Variants in ARMC6 observed in about 807,000 individuals in gnomAD.
ARMC6 encodes the protein armadillo repeat-containing protein 6.
In ARMC6, 43 loss-of-function variants were observed where a neutral mutation model predicts 49.2. The observed-to-expected ratio is 0.87, with a 90% CI of 0.69 to 1.13. The LOEUF is 1.13. Ranked by LOEUF, ARMC6 falls within the 50% of genes most tolerant of loss-of-function variation. The pLI, the probability that ARMC6 is intolerant of heterozygous loss-of-function variation, is 0.00. For synonymous variants in ARMC6, 262 were observed against 289.6 expected (o/e 0.90, Z 0.97); for missense variants, 627 against 682.0 (o/e 0.92, Z 0.90).
chr19:19,044,002 G>A lies in ARMC6; in HGVS notation c.207G>A (p.Leu69=). Residue 69 remains leucine, a synonymous_variant, in exon 4 of 9, where the codon CTG becomes CTA. Transcript: ENST00000535612. ...CCCCACCCCCAACAGGGGTTGATCT[G>A]AGCAACATTGTAAAGACGGCACCTA... is the stretch of plus-strand genomic sequence containing the variant. The part of the protein sequence containing the change: ...VEQFESQGVD[L]SNIVKTAPKV... 6.2e-7 allele frequency: 1 copy of A among 1,614,070 alleles called. No individual in the cohort carries two copies. Among genetic ancestry groups the A allele is most frequent in the Non-Finnish European group, 8.5e-7 (1 of 1,179,946 alleles).
Position 19,055,400 on chromosome 19 carries a change from C to T in ARMC6, c.1155+4C>T, listed in dbSNP as rs2145880706. 6.3e-7 allele frequency: 1 copy of T among 1,598,018 alleles called. No individual in the cohort carries two copies. Among genetic ancestry groups the T allele is most frequent in the East Asian group, 2.2e-5 (1 of 44,560 alleles). The stretch of plus-strand genomic sequence containing the variant: ...CCAGCATCTGACCAGCCCCCAGGTA[C>T]CCACCTCGGGGGGCACACACAGTAG... On this transcript the variant is annotated splice_donor_region_variant and intron_variant, in intron 7 of 8. Transcript: ENST00000535612. This position sits in a 1 kb window ranked among gnomAD's most constrained non-coding sequence, Gnocchi z 5.7.
intron 4 of ARMC6, among the ~76,000 whole-genome samples, chr19:19,047,607 G>A (rs192848195): frequency 6.6e-6 from 1 of 152,258 alleles, no homozygotes; most frequent in African/African-American, 2.4e-5. Flanking sequence ...GGTGGTGAGC[G>A]CCACAGAAAA....
chr19:19,057,754 G>C lies in ARMC6; in HGVS notation c.*126G>C. The C allele has an allele frequency of 9.5e-7, 1 of 1,055,322 alleles. No homozygotes were observed. 65.4% of individuals were successfully genotyped at this position (1,055,322 alleles called of 1,614,324 possible). ...CACAATGAGAAGTGTTTTCTGGCAG[G>C]CCCTAGGTAAAGGGTCGGGGGAGGG... On this transcript the variant is annotated 3_prime_UTR_variant, in exon 9 of 9. Transcript: ENST00000535612.
chr19:19,047,415 C>CT (rs1426309888), intron 4 of ARMC6, among the ~76,000 whole-genome samples: 3 of 152,076 alleles, frequency 2.0e-5, no homozygotes, highest in African/African-American at 7.2e-5. Context: ...CTGTTTGTGT[C>CT]ATAAGATTTG....
intron 2 of ARMC6, among the ~76,000 whole-genome samples, chr19:19,035,941 T>A (rs8106146): frequency 6.6e-5 from 10 of 152,046 alleles, no homozygotes; most frequent in Non-Finnish European, 5.9e-5. Flanking sequence ...AAATGATTGC[T>A]TTCTTTTGAG....
intron 2 of ARMC6, among the ~76,000 whole-genome samples, chr19:19,041,912 T>TA (rs1292311219): frequency 6.7e-6 from 1 of 149,948 alleles, no homozygotes; most frequent in Non-Finnish European, 1.5e-5. Flanking sequence ...TGTTAGAATC[T>TA]TTTTTTTTTC....
intron 4 of ARMC6, among the ~76,000 whole-genome samples, 171 bp from the exon 5 acceptor site, chr19:19,051,451 C>A (rs751007628): frequency 5.3e-5 from 8 of 150,324 alleles, no homozygotes; most frequent in Non-Finnish European, 1.2e-4. Flanking sequence ...AAGCTCAAAG[C>A]TCCTAGAATC....
At chr19:19,056,701 C>G (rs1272696251) in intron 8 of ARMC6, among the ~76,000 whole-genome samples, 1 of 152,184 alleles carries the variant, frequency 6.6e-6, no homozygotes, top group East Asian at 1.9e-4. Flanking sequence ...GTGGGACACC[C>G]TGTCCACACC....
chr19:19,042,697 CCCTAA>C lies in ARMC6; in HGVS notation c.30-10_30-6del. ...CACCCTTGAGGTAGCTCTCTCTTTG[CCCTAA>C]CCTCTCAGCTCAGGAGCATCTATCG... On this transcript the variant is annotated splice_polypyrimidine_tract_variant and intron_variant, in intron 2 of 8. Coordinates refer to ENST00000535612, the MANE Select transcript of ARMC6 (RefSeq NM_001199196.2). The C allele has an allele frequency of 6.2e-7, 1 of 1,611,096 alleles. No individual in the cohort carries two copies. The highest frequency in any genetic ancestry group is 8.5e-7 in the Non-Finnish European group (1 of 1,179,950).
chr19:19,034,556 GGAGTCTTTTA>G (rs2059326162), intron 2 of ARMC6, among the ~76,000 whole-genome samples: 2 of 152,138 alleles, frequency 1.3e-5, no homozygotes, highest in Admixed American at 6.5e-5. Context: ...ACATGTGGAT[GGAGTCTTTTA>G]GAGTCCCCAG....
intron 2 of ARMC6, chr19:19,037,566 C>A: frequency 2.1e-6 from 2 of 949,612 alleles, no homozygotes; most frequent in Non-Finnish European, 2.9e-6. Context: ...GGAGTTTCGC[C>A]ACGTGTCCAG....
chr19:19,041,247 G>A (rs897026361), intron 2 of ARMC6, among the ~76,000 whole-genome samples: 1 of 152,178 alleles, frequency 6.6e-6, no homozygotes, highest in Non-Finnish European at 1.5e-5. Context: ...TAGAAAATTA[G>A]ATCTTTGTTT....
intron 2 of ARMC6, among the ~76,000 whole-genome samples, chr19:19,036,747 A>G (rs747432000): frequency 6.6e-6 from 1 of 152,250 alleles, no homozygotes; most frequent in Non-Finnish European, 1.5e-5. Context: ...CCTCTTAAGC[A>G]ACAAAGGAAA....
intron 2 of ARMC6, chr19:19,039,277 C>A: frequency 2.5e-6 from 1 of 401,436 alleles, no homozygotes; most frequent in Non-Finnish European, 5.0e-6. Flanking sequence ...TTCAACCACA[C>A]GCAAATGCCA....
At chr19:19,056,144 T>C (rs2059542793) in intron 8 of ARMC6, among the ~76,000 whole-genome samples, 1 of 152,176 alleles carries the variant, frequency 6.6e-6, no homozygotes. Flanking sequence ...TTCATTTGCC[T>C]CCTTCTCTGC....
At chr19:19,043,024 C>A (rs374770902) in intron 3 of ARMC6, 147 bp downstream of exon 3, 1 of 998,156 alleles carries the variant, frequency 1.0e-6, no homozygotes, top group South Asian at 1.6e-5. Flanking sequence ...AGCTTCTGCC[C>A]GAGGCAGGCT....
At position 19,055,210 on chromosome 19, in the gene ARMC6, C is replaced by T. The variant is rs758824206; in HGVS notation, c.1024-55C>T. ...ACAGCCCCACATTCTCCCTCAGAGCCCTCTCCCACAACCAGCGGCCTGGCT... is the reference window on the plus strand; with the variant it reads ...ACAGCCCCACATTCTCCCTCAGAGCTCTCTCCCACAACCAGCGGCCTGGCT... On this transcript the variant is annotated intron_variant, in intron 6 of 8. Transcript: ENST00000535612. This position sits in a 1 kb window ranked among gnomAD's most constrained non-coding sequence, Gnocchi z 5.7. The T allele has an allele frequency of 3.9e-6, 6 of 1,527,802 alleles. No individual in the cohort carries two copies. Among genetic ancestry groups the T allele is most frequent in the Non-Finnish European group, 4.4e-6 (5 of 1,138,198 alleles). 94.6% of individuals were successfully genotyped at this position (1,527,802 alleles called of 1,614,324 possible). A position where few individuals can be genotyped will look rare whatever the true frequency, so the allele number is the denominator to read the frequency against.
At position 19,057,419 on chromosome 19, in the gene ARMC6, C is replaced by A. The variant is rs36039745; in HGVS notation, c.1297C>A (p.Gln433Lys). ...TCACAGCTGCTCTCTCCTACAGAAA[C>A]AGGCTTGCATGCTGATCCGAAACCT... ...AHPQKAGVQK[Q>K]ACMLIRNLVA... is the part of the protein sequence containing the mutation. The change falls in exon 9 of 9, where the codon CAG (glutamine) becomes AAG (lysine). Residue 433 changes from glutamine (Q) to lysine (K), a missense_variant. Transcript: ENST00000535612. The A allele has an allele frequency of 0.012, 18,586 of 1,612,500 alleles. 151 individuals carry two copies. The highest frequency in any genetic ancestry group is 0.014 in the Non-Finnish European group (16,420 of 1,179,692).
intron 2 of ARMC6, among the ~76,000 whole-genome samples, chr19:19,035,167 G>A (rs1021721168): frequency 6.6e-6 from 1 of 152,032 alleles, no homozygotes; most frequent in African/African-American, 2.4e-5. Flanking sequence ...CCCGGCCCTG[G>A]CTAATTTTTT....
Sources: gnomAD v4.1 joint callset for allele counts (sites outside exome capture counted in the v4.1 genomes callset) on GRCh38, gnomAD v4.1.1 for gene constraint, Gnocchi (gnomAD v3.1) non-coding constraint, MANE v1.5 for transcripts, NCBI Gene and HGNC (gene_info 2026-07-23, HGNC 2026-07-21) for gene names.